NTM: variants seen among roughly 807,000 people sequenced by gnomAD.
NTM encodes neurotrimin, also known as IgLON family member 2.
A neutral mutation model predicts 42.1 loss-of-function variants in NTM; 13 were observed. That is an observed-to-expected ratio of 0.31 (90% CI 0.20 to 0.49). The LOEUF is 0.49. NTM is among the 20% of genes least tolerant of loss of function. The pLI is 0.99. For missense variants in NTM, 373 were observed against 452.8 expected (o/e 0.82, Z 1.60); for synonymous variants, 187 against 179.2 (o/e 1.04, Z -0.35).
intron 1 of NTM, among the ~76,000 whole-genome samples, chr11:131,430,401 A>G (rs770318962): frequency 2.6e-5 from 4 of 152,168 alleles, no homozygotes; most frequent in African/African-American, 9.7e-5. Flanking sequence ...ATGGGAAGGT[A>G]TATGGACTGC....
At position 131,940,387 on chromosome 11, in the gene NTM, G is replaced by A. The variant is rs115608758; in HGVS notation, c.167+28739G>A. 3.4e-3 allele frequency among the ~76,000 whole-genome samples: 519 copies of A among 152,310 alleles called. 1 individual carries two copies. The highest frequency in any genetic ancestry group is 0.012 in the African/African-American group (496 of 41,556). On this transcript the variant is annotated intron_variant, in intron 2 of 8. Coordinates refer to ENST00000683400, the MANE Select transcript of NTM (RefSeq NM_001352005.2). ...GTGCTTGTTGGAGATAAAACAAGAC[G>A]TTAGTGGGTATACATTGTGAGATAA...
At chr11:131,973,021 A>C (rs2063780114) in intron 2 of NTM, among the ~76,000 whole-genome samples, 2 of 152,236 alleles carry the variant, frequency 1.3e-5, no homozygotes, top group Non-Finnish European at 2.9e-5. Context: ...TGTACTTAAC[A>C]GTTTACTTAA....
At chr11:132,171,569 A>G (rs1304285084) in intron 3 of NTM, among the ~76,000 whole-genome samples, 1 of 152,192 alleles carries the variant, frequency 6.6e-6, no homozygotes, top group Non-Finnish European at 1.5e-5. Context: ...TCCACCCTCA[A>G]AAACCATCAT....
intron 1 of NTM, among the ~76,000 whole-genome samples, chr11:131,741,618 T>C (rs2081214525): frequency 6.6e-6 from 1 of 152,120 alleles, no homozygotes; most frequent in African/African-American, 2.4e-5. Flanking sequence ...AGTGGAATTA[T>C]TAATAAAAAC....
intron 4 of NTM, among the ~76,000 whole-genome samples, chr11:132,264,419 T>G (rs894902289): frequency 6.6e-6 from 1 of 152,238 alleles, no homozygotes; most frequent in Admixed American, 6.5e-5. Flanking sequence ...TTTATAAAGG[T>G]TATAAAGGGT....
In NTM at chr11:132,320,457, C is replaced by T. The variant is rs113747875; in HGVS notation, c.934+5754C>T. The stretch of plus-strand genomic sequence containing the variant: ...TCGGGTCACTCCCACCCGAATACTG[C>T]GCTTTTCCGACGGGCTTAAAAAACG... On this transcript the variant is annotated intron_variant, in intron 7 of 8. Coordinates refer to ENST00000683400, the MANE Select transcript of NTM (RefSeq NM_001352005.2). Among the ~76,000 whole-genome samples the T allele has an allele frequency of 1.1e-4, 16 of 152,292 alleles. 1 individual carries two copies. Among genetic ancestry groups the T allele is most frequent in the Middle Eastern group, 3.4e-3 (1 of 294 alleles).
At chr11:131,945,339 G>A (rs1353665604) in intron 2 of NTM, among the ~76,000 whole-genome samples, 1 of 152,130 alleles carries the variant, frequency 6.6e-6, no homozygotes, top group Non-Finnish European at 1.5e-5. Flanking sequence ...GAACTCCACA[G>A]CGCTCTCATA....
At chr11:132,257,269 G>A (rs547282598) in intron 4 of NTM, among the ~76,000 whole-genome samples, 1 of 152,308 alleles carries the variant, frequency 6.6e-6, no homozygotes, top group South Asian at 2.1e-4. Flanking sequence ...TTCTCACCTT[G>A]CAAGAAGGAA....
intron 1 of NTM, among the ~76,000 whole-genome samples, chr11:131,719,443 C>G (rs558503077): frequency 1.3e-5 from 2 of 152,270 alleles, no homozygotes; most frequent in South Asian, 4.2e-4. Context: ...CTAAAAAATG[C>G]ATAGCTGTGA....
chr11:131,428,158 C>T (rs954358436), intron 1 of NTM, among the ~76,000 whole-genome samples: 1 of 152,186 alleles, frequency 6.6e-6, no homozygotes, highest in Non-Finnish European at 1.5e-5. Context: ...TATTCTCAAA[C>T]CTTCTCCTCC....
At chr11:132,040,135 C>T (rs1251872390) in intron 2 of NTM, among the ~76,000 whole-genome samples, 1 of 152,032 alleles carries the variant, frequency 6.6e-6, no homozygotes, top group African/African-American at 2.4e-5. Flanking sequence ...GGGGTTTCAC[C>T]ATGTTGCCCC....
At chr11:132,270,083 A>G (rs1011146725) in intron 4 of NTM, among the ~76,000 whole-genome samples, 1 of 152,168 alleles carries the variant, frequency 6.6e-6, no homozygotes, top group African/African-American at 2.4e-5. Context: ...TGTGGCCTCT[A>G]TAACTACGGA....
chr11:131,405,139 G>A (rs76795842), intron 1 of NTM, among the ~76,000 whole-genome samples: 1,797 of 152,280 alleles, frequency 0.012, 17 homozygotes, highest in Middle Eastern at 0.044. Context: ...AAATCCCTTG[G>A]AATAGCAGAA....
intron 1 of NTM, among the ~76,000 whole-genome samples, chr11:131,518,271 T>G (rs80021539): frequency 0.016 from 2,368 of 152,218 alleles, 69 homozygotes; most frequent in African/African-American, 0.053. Context: ...ACCCATGCAG[T>G]AAGTGCAAGA....
At chr11:131,712,018 G>A (rs61901635) in intron 1 of NTM, among the ~76,000 whole-genome samples, 75 of 144,954 alleles carry the variant, frequency 5.2e-4, no homozygotes, top group Middle Eastern at 3.2e-3. Context: ...GCATTAGGAG[G>A]TATACCTAAT....
At chr11:132,162,641 CAT>C (rs768352088) in intron 3 of NTM, among the ~76,000 whole-genome samples, 26 of 124,694 alleles carry the variant, frequency 2.1e-4, no homozygotes, top group Non-Finnish European at 4.2e-4. Flanking sequence ...GTGTGTGGGG[CAT>C]GTGTGTGTTT....
At chr11:132,194,306 G>T (rs1446989256) in intron 3 of NTM, among the ~76,000 whole-genome samples, 1 of 151,944 alleles carries the variant, frequency 6.6e-6, no homozygotes, top group Non-Finnish European at 1.5e-5. Context: ...TGCAAGGGTG[G>T]TTCAACATGT....
intron 1 of NTM, among the ~76,000 whole-genome samples, chr11:131,808,452 G>T (rs1019455784): frequency 2.0e-5 from 3 of 152,156 alleles, no homozygotes; most frequent in Non-Finnish European, 4.4e-5. Context: ...ACACTGCCTA[G>T]CATGATGTAA....
At chr11:132,226,576 G>A (rs1276082591) in intron 4 of NTM, among the ~76,000 whole-genome samples, 1 of 151,982 alleles carries the variant, frequency 6.6e-6, no homozygotes, top group Admixed American at 6.6e-5. Context: ...TTGTAAATTG[G>A]TTTAAGTTCT....
Sources: gnomAD v4.1 joint callset for allele counts (sites outside exome capture counted in the v4.1 genomes callset) on GRCh38, gnomAD v4.1.1 for gene constraint, MANE v1.5 for transcripts, NCBI Gene and HGNC (gene_info 2026-07-23, HGNC 2026-07-21) for gene names.